The following CLYBL variants were observed in gnomAD, a reference collection of about 807,000 sequenced individuals.
The protein encoded by CLYBL is citramalyl-CoA lyase, also known as citramalyl-CoA lyase, mitochondrial.
In CLYBL, 31 loss-of-function variants were observed where a neutral mutation model predicts 38.9. The ratio of observed to expected loss-of-function variants is 0.80; its 90% confidence interval spans 0.60 to 1.08. The LOEUF (loss-of-function observed/expected upper bound fraction) is 1.08, where lower values mean the gene tolerates loss of function less well. CLYBL is among the 50% of genes least tolerant of loss of function. CLYBL has a pLI of 0.00. For missense variants in CLYBL, 434 were observed against 411.6 expected (o/e 1.05, Z -0.47); for synonymous variants, 171 against 158.6 (o/e 1.08, Z -0.59).
intron 1 of CLYBL, among the ~76,000 whole-genome samples, chr13:99,768,494 CTTTTTT>C (rs779750350): frequency 2.4e-5 from 2 of 84,890 alleles, no homozygotes; most frequent in South Asian, 4.8e-4. Flanking sequence ...CGCCCGACCT[CTTTTTT>C]TTTTTTTTTT....
intron 1 of CLYBL, among the ~76,000 whole-genome samples, chr13:99,693,429 TC>T (rs2139436447): frequency 6.6e-6 from 1 of 152,072 alleles, no homozygotes; most frequent in East Asian, 1.9e-4. Context: ...TGACAGCTTA[TC>T]AGGAATGGAG....
At chr13:99,872,576 G>A (rs1008683283) in intron 7 of CLYBL, among the ~76,000 whole-genome samples, 2 of 152,180 alleles carry the variant, frequency 1.3e-5, no homozygotes, top group African/African-American at 4.8e-5. Context: ...GGACAGGCAT[G>A]TCATAAACAC....
intron 1 of CLYBL, among the ~76,000 whole-genome samples, chr13:99,754,647 T>C (rs2049023905): frequency 6.7e-6 from 1 of 149,912 alleles, no homozygotes; most frequent in African/African-American, 2.5e-5. Context: ...TGCAGTGGCA[T>C]GTTCTCAGCT....
At chr13:99,767,762 T>C (rs751302123) in intron 1 of CLYBL, among the ~76,000 whole-genome samples, 1 of 152,214 alleles carries the variant, frequency 6.6e-6, no homozygotes, top group Non-Finnish European at 1.5e-5. Context: ...TTCATTTCAA[T>C]TATTGTACTT....
chr13:99,625,932 C>T (rs2046863426), intron 1 of CLYBL, among the ~76,000 whole-genome samples: 1 of 152,168 alleles, frequency 6.6e-6, no homozygotes. Flanking sequence ...ACGTGAGATA[C>T]GGGCTCCTTT....
At chr13:99,609,261 C>T (rs1454095092) in intron 1 of CLYBL, among the ~76,000 whole-genome samples, 1 of 139,970 alleles carries the variant, frequency 7.1e-6, no homozygotes, top group Non-Finnish European at 1.5e-5. Context: ...ACTGCAACCT[C>T]TGACTCCCGG....
intron 1 of CLYBL, among the ~76,000 whole-genome samples, chr13:99,657,224 A>G (rs2047342233): frequency 6.6e-6 from 1 of 152,240 alleles, no homozygotes; most frequent in African/African-American, 2.4e-5. Context: ...GAAAAATAAA[A>G]ACATGTTCCA....
intron 1 of CLYBL, among the ~76,000 whole-genome samples, chr13:99,663,273 C>A (rs34463702): frequency 0.16 from 24,049 of 152,158 alleles, 2,034 homozygotes; most frequent in African/African-American, 0.22. Context: ...GATACTAGCC[C>A]CATGTGTGGG....
chr13:99,662,546 T>C (rs970620559), intron 1 of CLYBL, among the ~76,000 whole-genome samples: 2 of 148,484 alleles, frequency 1.3e-5, no homozygotes, highest in Admixed American at 6.8e-5. Flanking sequence ...GCAGTAATTA[T>C]AGTGAGTCAG....
intron 1 of CLYBL, among the ~76,000 whole-genome samples, chr13:99,629,551 C>T (rs2046914712): frequency 6.6e-6 from 1 of 152,166 alleles, no homozygotes; most frequent in African/African-American, 2.4e-5. Flanking sequence ...TCTGCAGCTC[C>T]TTCTCTGTAC....
chr13:99,747,585 A>G (rs2048876447), intron 1 of CLYBL, among the ~76,000 whole-genome samples: 1 of 152,182 alleles, frequency 6.6e-6, no homozygotes, highest in Non-Finnish European at 1.5e-5. Context: ...GTTTTCATGG[A>G]AAAACTGCCC....
At chr13:99,695,513 A>G (rs2047965339) in intron 1 of CLYBL, among the ~76,000 whole-genome samples, 2 of 151,906 alleles carry the variant, frequency 1.3e-5, no homozygotes, top group South Asian at 4.2e-4. Flanking sequence ...TTCCTGTGTG[A>G]CATTTTTTTT....
At chr13:99,651,326 C>T (rs2047249923) in intron 1 of CLYBL, among the ~76,000 whole-genome samples, 2 of 152,352 alleles carry the variant, frequency 1.3e-5, no homozygotes, top group South Asian at 4.1e-4. Flanking sequence ...GTAATCCCAG[C>T]ACTTGGGGAA....
intron 1 of CLYBL, chr13:99,691,073 T>A (rs2047894642): frequency 6.6e-6 from 1 of 152,176 alleles, no homozygotes; most frequent in Non-Finnish European, 1.5e-5. Flanking sequence ...TTACTTGCTT[T>A]GAGTTGCTAA....
chr13:99,728,824 C>G (rs988652694), intron 1 of CLYBL, among the ~76,000 whole-genome samples: 1 of 152,098 alleles, frequency 6.6e-6, no homozygotes, highest in Non-Finnish European at 1.5e-5. Flanking sequence ...CTCAAAGAAG[C>G]CTCCCACCTC....
At chr13:99,820,711 A>G (rs529910927) in intron 2 of CLYBL, among the ~76,000 whole-genome samples, 30 of 152,258 alleles carry the variant, frequency 2.0e-4, no homozygotes, top group South Asian at 1.4e-3. Flanking sequence ...AATTCTGACA[A>G]TTTGCATGTG....
intron 2 of CLYBL, among the ~76,000 whole-genome samples, chr13:99,845,982 AC>A (rs1329575801): frequency 1.3e-5 from 2 of 151,692 alleles, no homozygotes; most frequent in East Asian, 1.9e-4. Flanking sequence ...TAAAAAAAAA[AC>A]AAAGCCATTT....
chr13:99,687,916 A>T (rs1486105926), intron 1 of CLYBL, among the ~76,000 whole-genome samples: 2 of 152,214 alleles, frequency 1.3e-5, no homozygotes, highest in African/African-American at 4.8e-5. Context: ...AGACTACTTG[A>T]TCATGACTAA....
chr13:99,608,653 A>G (rs575399359), intron 1 of CLYBL, among the ~76,000 whole-genome samples: 1 of 152,032 alleles, frequency 6.6e-6, no homozygotes, highest in African/African-American at 2.4e-5. Context: ...GCTGGGGGTT[A>G]ACTCAGTGCT....
Sources: allele counts gnomAD v4.1 joint callset (sites outside exome capture counted in the v4.1 genomes callset), GRCh38; gene constraint gnomAD v4.1.1; transcripts MANE v1.5; gene names NCBI Gene and HGNC (gene_info 2026-07-23, HGNC 2026-07-21).